Variants in TPRX1 observed in about 807,000 individuals in gnomAD.
TPRX1 encodes tetra-peptide repeat homeobox protein 1.
A neutral mutation model predicts 8.1 loss-of-function variants in TPRX1; 2 were observed. That is an observed-to-expected ratio of 0.25 (90% CI 0.10 to 0.78). The LOEUF (loss-of-function observed/expected upper bound fraction) is 0.78. TPRX1 is among the 30% of genes least tolerant of loss of function. The probability of loss-of-function intolerance (pLI) is 0.70; values close to 1 mark genes in which losing one functional copy is unlikely to be tolerated. For missense variants in TPRX1, 517 were observed against 586.9 expected, an observed-to-expected ratio of 0.88 and a Z score of 1.23; for synonymous variants, 257 against 254.1, an observed-to-expected ratio of 1.01 and a Z score of -0.11.
At chr19:47,805,559 A>G (rs189075049) in intron 2 of TPRX1, among the ~76,000 whole-genome samples, 1 of 152,266 alleles carries the variant, frequency 6.6e-6, no homozygotes, top group Admixed American at 6.5e-5. Context: ...GGTGCAGGGA[A>G]CTAGAAATGA....
chr19:47,802,048 G>C, exon 4 of TPRX1: 1 of 1,606,540 alleles, frequency 6.2e-7, no homozygotes, highest in Non-Finnish European at 8.5e-7. Flanking sequence ...CTGGGCCTGG[G>C]ATTGGAGCTG....
At chr19:47,818,321 C>G in intron 2 of TPRX1, 1 of 305,088 alleles carries the variant, frequency 3.3e-6, no homozygotes, top group South Asian at 2.2e-5. Context: ...ACCCATCCAT[C>G]CATCCATCCA....
chr19:47,810,061 C>T (rs1439400122), intron 2 of TPRX1, among the ~76,000 whole-genome samples: 1 of 151,714 alleles, frequency 6.6e-6, no homozygotes, highest in Non-Finnish European at 1.5e-5. Flanking sequence ...TCAAGATCAG[C>T]CTGGCCAACA....
chr19:47,804,747 T>G (rs996637449), intron 2 of TPRX1, among the ~76,000 whole-genome samples, 196 bp from the exon 1 acceptor site: 1 of 152,140 alleles, frequency 6.6e-6, no homozygotes, highest in Non-Finnish European at 1.5e-5. Context: ...TGCTAGGAGC[T>G]GGAGAACCTC....
At chr19:47,804,229 A>G (rs1967712676) in intron 2 of TPRX1, among the ~76,000 whole-genome samples, 1 of 150,066 alleles carries the variant, frequency 6.7e-6, no homozygotes, top group Non-Finnish European at 1.5e-5. Flanking sequence ...TAATTTTTGT[A>G]TTTTTGCTAA....
chr19:47,807,616 G>T (rs144068088), intron 2 of TPRX1, among the ~76,000 whole-genome samples: 1 of 152,028 alleles, frequency 6.6e-6, no homozygotes, highest in African/African-American at 2.4e-5. Flanking sequence ...CAAGTAATTC[G>T]CTCTCCTTAG....
exon 4 of TPRX1, chr19:47,802,634 T>A: frequency 6.6e-7 from 1 of 1,513,006 alleles, no homozygotes; most frequent in Non-Finnish European, 8.8e-7. Flanking sequence ...GCTTGGGATC[T>A]GAGCTGGGCC....
At chr19:47,804,282 C>T (rs1029367737) in intron 2 of TPRX1, among the ~76,000 whole-genome samples, 5 of 151,728 alleles carry the variant, frequency 3.3e-5, no homozygotes, top group Non-Finnish European at 5.9e-5. Context: ...TTCAGAGTCC[C>T]GGGCTCAAGT....
chr19:47,813,168 C>G (rs1480340849), intron 2 of TPRX1, among the ~76,000 whole-genome samples: 1 of 143,760 alleles, frequency 7.0e-6, no homozygotes, highest in South Asian at 2.3e-4. Context: ...CCCCCCCCAC[C>G]CCGCCAAAAT....
At chr19:47,807,309 G>A (rs1311957236) in intron 2 of TPRX1, among the ~76,000 whole-genome samples, 1 of 152,060 alleles carries the variant, frequency 6.6e-6, no homozygotes, top group East Asian at 1.9e-4. Flanking sequence ...AGCCCACCTT[G>A]CCTCCCAAAG....
intron 2 of TPRX1, among the ~76,000 whole-genome samples, chr19:47,816,681 C>T (rs1012394385): frequency 3.9e-5 from 6 of 151,976 alleles, no homozygotes; most frequent in East Asian, 1.9e-4. Context: ...TACAGGCGCC[C>T]GCCACCACGC....
At position 47,804,680 on chromosome 19, in the gene TPRX1, A is replaced by T. The variant is rs150904346; in HGVS notation, c.152-1007T>A. Among the ~76,000 whole-genome samples the T allele has an allele frequency of 8.7e-3, 1,180 of 136,212 alleles. 19 individuals carry two copies. Among genetic ancestry groups the T allele is most frequent in the African/African-American group, 0.03 (1,112 of 37,306 alleles). The allele number at this position is 136,212 out of a possible 152,430, so 89.4% of individuals were successfully genotyped here. ...CCTGCCCTGCAGTCCCGCCCCCTGGAGGAGTTGAATGATGGATTAATCCTT... is the reference window on the plus strand; with the variant it reads ...CCTGCCCTGCAGTCCCGCCCCCTGGTGGAGTTGAATGATGGATTAATCCTT... On this transcript the variant is annotated intron_variant, in intron 2 of 3. Coordinates refer to ENST00000535759, the Ensembl canonical transcript of TPRX1.
chr19:47,806,424 G>A (rs183437320), intron 2 of TPRX1, among the ~76,000 whole-genome samples: 175 of 152,070 alleles, frequency 1.2e-3, no homozygotes, highest in African/African-American at 3.9e-3. Context: ...TTAGGCTGAG[G>A]TAGGAGAATC....
intron 2 of TPRX1, among the ~76,000 whole-genome samples, chr19:47,818,262 TCCATC>T (rs1967863789): frequency 6.8e-6 from 1 of 147,354 alleles, no homozygotes; most frequent in African/African-American, 2.6e-5. Context: ...CATCCATCCA[TCCATC>T]CATCCATCCA....
Position 47,812,009 on chromosome 19 carries a change from G to A in TPRX1, c.151+6459C>T, listed in dbSNP as rs189397914. 9.8e-3 allele frequency among the ~76,000 whole-genome samples: 1,490 copies of A among 151,948 alleles called. 34 individuals carry two copies. The highest frequency in any genetic ancestry group is 0.062 in the Middle Eastern group (18 of 292). Reference sequence around the variant, plus strand: ...AGCCTCCCAAGTAGCTGGGATTACAGGCACCTGCCACCACGCCCGGCTAAT... The same window carrying A: ...AGCCTCCCAAGTAGCTGGGATTACAAGCACCTGCCACCACGCCCGGCTAAT... On this transcript the variant is annotated intron_variant, in intron 2 of 3. Transcript: ENST00000535759.
exon 4 of TPRX1, chr19:47,801,848 C>T (rs1248215897): frequency 4.3e-6 from 7 of 1,614,012 alleles, no homozygotes; most frequent in Non-Finnish European, 5.9e-6. Flanking sequence ...GGGCTGAGAC[C>T]CTGAGTGTTT....
At chr19:47,816,721 A>G (rs958076423) in intron 2 of TPRX1, among the ~76,000 whole-genome samples, 7 of 150,696 alleles carry the variant, frequency 4.6e-5, no homozygotes, top group East Asian at 3.9e-4. Context: ...TTTAGTAGAG[A>G]TGGGGTTTCA....
At chr19:47,807,474 T>G (rs1967745663) in intron 2 of TPRX1, among the ~76,000 whole-genome samples, 1 of 152,136 alleles carries the variant, frequency 6.6e-6, no homozygotes. Context: ...GTTCAAGTGA[T>G]TCTCATGCCT....
chr19:47,815,664 A>G (rs1328534315), intron 2 of TPRX1, among the ~76,000 whole-genome samples: 1 of 148,934 alleles, frequency 6.7e-6, no homozygotes, highest in Non-Finnish European at 1.5e-5. Context: ...AAAAAAAAAA[A>G]AAGCAGGTGT....
Sources: gnomAD v4.1 joint callset for allele counts (sites outside exome capture counted in the v4.1 genomes callset) on GRCh38, gnomAD v4.1.1 for gene constraint, MANE v1.5 for transcripts, NCBI Gene and HGNC (gene_info 2026-07-23, HGNC 2026-07-21) for gene names.